Variants in SAMD12 observed in about 807,000 individuals in gnomAD.
The protein encoded by SAMD12 is sterile alpha motif domain containing 12.
SAMD12 carries 9 observed loss-of-function variants against 15.0 expected under a neutral mutation model. The observed-to-expected ratio is 0.60, with a 90% confidence interval of 0.36 to 1.05. The LOEUF is 1.05. Among genes scored for constraint, SAMD12 ranks in the 50% least tolerant of loss-of-function variants. SAMD12 has a pLI of 0.01. For missense variants in SAMD12, 230 were observed against 234.2 expected (o/e 0.98, Z 0.12); for synonymous variants, 86 against 90.1 (o/e 0.96, Z 0.25).
intron 3 of SAMD12, among the ~76,000 whole-genome samples, chr8:118,406,676 A>G (rs1347400966): frequency 6.6e-6 from 1 of 152,126 alleles, no homozygotes; most frequent in Non-Finnish European, 1.5e-5. Flanking sequence ...CTGAAACTCT[A>G]TGCCCACTGG....
chr8:118,465,922 T>A (rs1823582870), intron 2 of SAMD12, among the ~76,000 whole-genome samples: 2 of 152,154 alleles, frequency 1.3e-5, no homozygotes, highest in Non-Finnish European at 2.9e-5. Flanking sequence ...TAGTTGGTCA[T>A]CCTAGGTATA....
At chr8:118,345,530 TG>T (rs1282652660) in intron 4 of SAMD12, among the ~76,000 whole-genome samples, 2 of 152,174 alleles carry the variant, frequency 1.3e-5, no homozygotes, top group Non-Finnish European at 2.9e-5. Context: ...GAACCTGAGC[TG>T]GGATTTGGAG....
At chr8:118,316,224 T>C (rs754136177) in intron 4 of SAMD12, among the ~76,000 whole-genome samples, 1 of 151,880 alleles carries the variant, frequency 6.6e-6, no homozygotes, top group Non-Finnish European at 1.5e-5. Flanking sequence ...CCCTCAGCCA[T>C]ATCAAGAGCA....
intron 3 of SAMD12, among the ~76,000 whole-genome samples, chr8:118,399,611 G>A (rs1820770162): frequency 6.6e-6 from 1 of 152,170 alleles, no homozygotes; most frequent in Non-Finnish European, 1.5e-5. Flanking sequence ...TCCCTGTGGG[G>A]TTGGCAGAGG....
chr8:118,235,605 G>C (rs1472801624), intron 4 of SAMD12, among the ~76,000 whole-genome samples: 1 of 151,958 alleles, frequency 6.6e-6, no homozygotes, highest in Non-Finnish European at 1.5e-5. Context: ...CAAAGTGAAA[G>C]AGATCTTAGC....
At chr8:118,366,028 C>T (rs996327355) in intron 4 of SAMD12, among the ~76,000 whole-genome samples, 2 of 152,100 alleles carry the variant, frequency 1.3e-5, no homozygotes, top group African/African-American at 4.8e-5. Context: ...ATATAAGAAC[C>T]ATATCTATCT....
the SAMD12 span, among the ~76,000 whole-genome samples, chr8:118,160,061 T>C: frequency 0.052 from 7,872 of 152,296 alleles, 324 homozygotes; most frequent in South Asian, 0.2. Context: ...AATCAAACTT[T>C]TAAATTTCCA....
chr8:118,210,277 C>T (rs1375907192), intron 4 of SAMD12, among the ~76,000 whole-genome samples: 3 of 152,100 alleles, frequency 2.0e-5, no homozygotes, highest in East Asian at 1.9e-4. Context: ...TTATCAGTTC[C>T]GCTTTGAAAT....
intron 2 of SAMD12, among the ~76,000 whole-genome samples, chr8:118,486,784 A>T (rs1824301067): frequency 6.6e-6 from 1 of 152,186 alleles, no homozygotes; most frequent in Non-Finnish European, 1.5e-5. Flanking sequence ...GAAAGCAACA[A>T]GGGGAGGTGA....
intron 4 of SAMD12, among the ~76,000 whole-genome samples, chr8:118,371,843 C>A (rs986713866): frequency 6.6e-6 from 1 of 152,064 alleles, no homozygotes. Context: ...AGAGGACCTA[C>A]CCCCAGGAGG....
chr8:118,422,582 C>A (rs928859610), intron 3 of SAMD12, among the ~76,000 whole-genome samples: 2 of 152,132 alleles, frequency 1.3e-5, no homozygotes, highest in African/African-American at 4.8e-5. Flanking sequence ...TGACGAAAAA[C>A]CTCATAAGCC....
the SAMD12 span, among the ~76,000 whole-genome samples, chr8:118,136,543 C>A: frequency 6.6e-6 from 1 of 152,232 alleles, no homozygotes; most frequent in African/African-American, 2.4e-5. Flanking sequence ...ATAGTTTTGT[C>A]ATCCTTTGGG....
intron 4 of SAMD12, among the ~76,000 whole-genome samples, chr8:118,301,365 G>T (rs1815017600): frequency 6.6e-6 from 1 of 152,174 alleles, no homozygotes; most frequent in African/African-American, 2.4e-5. Context: ...TTGACCCATT[G>T]ACTAAAACAG....
intron 4 of SAMD12, among the ~76,000 whole-genome samples, chr8:118,305,129 A>G (rs1047234507): frequency 1.5e-5 from 2 of 130,254 alleles, no homozygotes; most frequent in African/African-American, 6.4e-5. Context: ...AGCCTGGGCA[A>G]AAGTGACTCC....
intron 2 of SAMD12, among the ~76,000 whole-genome samples, chr8:118,534,821 G>T (rs1328233216): frequency 6.6e-6 from 1 of 152,028 alleles, no homozygotes; most frequent in Non-Finnish European, 1.5e-5. Context: ...TCTCTATGCC[G>T]TTTTTCTAGT....
intron 2 of SAMD12, among the ~76,000 whole-genome samples, chr8:118,501,738 C>G (rs995888354): frequency 4.6e-5 from 7 of 152,298 alleles, no homozygotes; most frequent in Non-Finnish European, 4.4e-5. Flanking sequence ...GATTCTGGGC[C>G]GGGCGCGGTG....
At chr8:118,480,500 T>G (rs907012979) in intron 2 of SAMD12, among the ~76,000 whole-genome samples, 10 of 152,364 alleles carry the variant, frequency 6.6e-5, no homozygotes, top group Admixed American at 2.0e-4. Flanking sequence ...TGTCAGGCAC[T>G]ATGTTTGGAC....
intron 4 of SAMD12, among the ~76,000 whole-genome samples, chr8:118,354,141 G>A (rs920876429): frequency 2.0e-5 from 3 of 152,136 alleles, no homozygotes; most frequent in Non-Finnish European, 4.4e-5. Context: ...ATTCCCATCT[G>A]ACTGATATTA....
intron 4 of SAMD12, among the ~76,000 whole-genome samples, chr8:118,237,982 G>A (rs1214039358): frequency 6.6e-6 from 1 of 152,046 alleles, no homozygotes; most frequent in Non-Finnish European, 1.5e-5. Context: ...GATTTGAGCT[G>A]CCTACATTTG....
Sources: allele counts gnomAD v4.1 joint callset (sites outside exome capture counted in the v4.1 genomes callset), GRCh38; gene constraint gnomAD v4.1.1; transcripts MANE v1.5; gene names NCBI Gene and HGNC (gene_info 2026-07-23, HGNC 2026-07-21).